Variants in CBX2 observed in about 807,000 individuals in gnomAD.
CBX2 encodes the protein chromobox 2, also known as chromobox protein homolog 2.
CBX2 carries 11 observed loss-of-function variants against 21.0 expected under a neutral mutation model. That is an observed-to-expected ratio of 0.52 (90% CI 0.33 to 0.87). The LOEUF (loss-of-function observed/expected upper bound fraction) is 0.87. CBX2 is among the 40% of genes least tolerant of loss of function. The probability of loss-of-function intolerance (pLI) is 0.02; values close to 1 mark genes in which losing one functional copy is unlikely to be tolerated. For synonymous variants in CBX2, 364 were observed against 304.6 expected (o/e 1.19, Z -2.03); for missense variants, 746 against 724.3 (o/e 1.03, Z -0.34).
intron 4 of CBX2, chr17:79,782,254 C>T: frequency 5.1e-6 from 8 of 1,567,894 alleles, no homozygotes; most frequent in Admixed American, 3.8e-5. Flanking sequence ...CCACGAAAGG[C>T]AGGGCTGACT....
chr17:79,782,327 G>A, intron 4 of CBX2: 1 of 1,492,122 alleles, frequency 6.7e-7, no homozygotes. Flanking sequence ...GGCTGATGAT[G>A]TGCTTTGGCC....
Position 79,785,154 on chromosome 17 carries a change from G to T in CBX2, c.*112G>T, listed in dbSNP as rs1907549509. On this transcript the variant is annotated 3_prime_UTR_variant, in exon 5 of 5. Transcript: ENST00000310942. Reference sequence around the variant, plus strand: ...TCAAGAGTCTGGGTCGGGGGAGGAGGAGTGGGTGGCCTCCTTGATGGGCAG... The same window carrying T: ...TCAAGAGTCTGGGTCGGGGGAGGAGTAGTGGGTGGCCTCCTTGATGGGCAG... 1.1e-6 allele frequency: 1 copy of T among 923,294 alleles called. No homozygotes were observed. The highest frequency in any genetic ancestry group is 1.7e-6 in the Non-Finnish European group (1 of 587,958). The allele number at this position is 923,294 out of a possible 1,614,324, so 57.2% of individuals were successfully genotyped here.
At position 79,778,251 on chromosome 17, in the gene CBX2, A is replaced by G. The variant is rs1555829349; in HGVS notation, c.16A>G (p.Ser6Gly). 1 of 1,506,916 alleles carries G rather than the reference A, an allele frequency of 6.6e-7. No homozygotes were observed. The allele number at this position is 1,506,916 out of a possible 1,614,324, so 93.3% of individuals were successfully genotyped here. A position where few individuals can be genotyped will look rare whatever the true frequency, so the allele number is the denominator to read the frequency against. The stretch of plus-strand genomic sequence containing the variant: ...GCCGGGCAGCATGGAGGAGCTGAGC[A>G]GCGTGGGCGAGCAGGTCTTCGCCGC... MEELS[S>G]VGEQVFAAEC... Residue 6 changes from serine (S) to glycine (G), a missense_variant, in exon 1 of 5, where the codon AGC becomes GGC. Around this residue, in one of 2 missense-constraint regions of CBX2, gnomAD observed 45 missense variants for 73.6 expected, o/e 0.61. Transcript: ENST00000310942. This position sits in a 1 kb window ranked among gnomAD's most constrained non-coding sequence, Gnocchi z 4.8.
chr17:79,784,771 G>T lies in CBX2; in HGVS notation c.1328G>T (p.Arg443Leu). Residue 443 changes from arginine to leucine, a missense_variant, in exon 5 of 5, where the codon CGC becomes CTC. Around this residue, in one of 2 missense-constraint regions of CBX2, gnomAD observed 701 missense variants for 650.7 expected, o/e 1.08. Transcript: ENST00000310942. The surrounding 1 kb of genome is among the most constrained non-coding windows in gnomAD (Gnocchi z 5.9). ...GSATPSGQES[R>L]TAPGEARKAA... is the part of the protein sequence containing the mutation. ...GCTACCCCCAGTGGGCAGGAGAGCC[G>T]CACAGCCCCCGGAGAAGCCCGCAAG... The T allele has an allele frequency of 6.2e-7, 1 of 1,610,052 alleles. No individual in the cohort carries two copies. The highest frequency in any genetic ancestry group is 8.5e-7 in the Non-Finnish European group (1 of 1,178,676).
At position 79,785,151 on chromosome 17, in the gene CBX2, G is replaced by A. The variant is rs1907549364; in HGVS notation, c.*109G>A. On this transcript the variant is annotated 3_prime_UTR_variant, in exon 5 of 5. Transcript: ENST00000310942. ...CCCTCAAGAGTCTGGGTCGGGGGAG[G>A]AGGAGTGGGTGGCCTCCTTGATGGG... 2 of 967,816 alleles carry A rather than the reference G, an allele frequency of 2.1e-6. No individual in the cohort carries two copies. The highest frequency in any genetic ancestry group is 3.2e-6 in the Non-Finnish European group (2 of 625,968). 60.0% of individuals were successfully genotyped at this position (967,816 alleles called of 1,614,324 possible).
At chr17:79,782,920 A>G (rs1907340097) in intron 4 of CBX2, among the ~76,000 whole-genome samples, 1 of 152,240 alleles carries the variant, frequency 6.6e-6, no homozygotes, top group East Asian at 1.9e-4. Context: ...GGTGACATCC[A>G]GAAGGCGAGG....
In CBX2 at chr17:79,783,909, C is replaced by G; in HGVS notation, c.466C>G (p.Leu156Val). The G allele has an allele frequency of 6.2e-7, 1 of 1,614,042 alleles. No homozygotes were observed. The highest frequency in any genetic ancestry group is 8.5e-7 in the Non-Finnish European group (1 of 1,180,034). ...CCAGATCCTGGTGGCCAAACCCGAG[C>G]TGAAGGATCCCATCCGGAAGAAGCG... Reference protein sequence around the residue: ...KAQILVAKPELKDPIRKKRGR... With the variant: ...KAQILVAKPEVKDPIRKKRGR... The change falls in exon 5 of 5, where the codon CTG becomes GTG. Residue 156 changes from leucine (L) to valine (V), a missense_variant. This residue lies in a region of CBX2 where 701 missense variants were observed against 650.7 expected (regional missense o/e 1.08). Transcript: ENST00000310942.
intron 3 of CBX2, among the ~76,000 whole-genome samples, chr17:79,781,368 T>C (rs1306730091): frequency 6.6e-6 from 1 of 152,164 alleles, no homozygotes; most frequent in Non-Finnish European, 1.5e-5. Flanking sequence ...AGGCCACTTC[T>C]GGTTAGAATA....
At position 79,784,017 on chromosome 17, in the gene CBX2, G is replaced by A. The variant is rs1030745687; in HGVS notation, c.574G>A (p.Asp192Asn). 1 of 1,613,194 alleles carries A rather than the reference G, an allele frequency of 6.2e-7. No homozygotes were observed. The highest frequency in any genetic ancestry group is 1.3e-5 in the African/African-American group (1 of 75,072). The part of the protein sequence containing the change: ...LAKVLKTARK[D>N]LGAPASKLPP... ...CAAGGTGCTGAAGACCGCCCGGAAG[G>A]ATCTGGGGGCCCCGGCCAGCAAGCT... Residue 192 changes from aspartate to asparagine, a missense_variant, in exon 5 of 5, where the codon GAT becomes AAT. By Grantham distance (23) the Asp-to-Asn change is conservative (BLOSUM62 1). Coordinates refer to ENST00000310942, the MANE Select transcript of CBX2 (RefSeq NM_005189.3). The surrounding 1 kb of genome is among the most constrained non-coding windows in gnomAD (Gnocchi z 5.9).
intron 3 of CBX2, among the ~76,000 whole-genome samples, chr17:79,780,799 G>C (rs1907124085): frequency 1.3e-5 from 2 of 152,152 alleles, no homozygotes; most frequent in African/African-American, 4.8e-5. Context: ...CAGTGCACAG[G>C]TTAATATTTC....
chr17:79,785,270 C>G lies in CBX2; in HGVS notation c.*228C>G, dbSNP rs79823889. The G allele has an allele frequency of 1.5e-3, 896 of 592,116 alleles. 7 individuals are homozygous for G. The highest frequency in any genetic ancestry group is 0.014 in the African/African-American group (730 of 53,842). 36.7% of individuals were successfully genotyped at this position (592,116 alleles called of 1,614,324 possible). A position where few individuals can be genotyped will look rare whatever the true frequency, so the allele number is the denominator to read the frequency against. On this transcript the variant is annotated 3_prime_UTR_variant, in exon 5 of 5. Transcript: ENST00000310942. Reference sequence around the variant, plus strand: ...TTGTTGGTCTCCACCTTGTTCCTACCTCTGCAGGCCTCTTTGCTCTCCCCT... The same window carrying G: ...TTGTTGGTCTCCACCTTGTTCCTACGTCTGCAGGCCTCTTTGCTCTCCCCT...
chr17:79,779,276 C>T (rs1285162927), intron 2 of CBX2, 86 bp from the exon 3 acceptor site: 5 of 1,281,584 alleles, frequency 3.9e-6, no homozygotes, highest in African/African-American at 2.9e-5. Context: ...AGTCGAGGAG[C>T]GGTGAGGGCG....
At chr17:79,781,670 C>A in intron 3 of CBX2, 26 bp from the exon 4 acceptor site, 3 of 1,592,588 alleles carry the variant, frequency 1.9e-6, no homozygotes, top group Non-Finnish European at 2.6e-6. Context: ...GGGCTTCTCC[C>A]CCATTAACTA....
chr17:79,780,964 T>C (rs1354152688), intron 3 of CBX2, among the ~76,000 whole-genome samples: 1 of 152,058 alleles, frequency 6.6e-6, no homozygotes, highest in Non-Finnish European at 1.5e-5. Context: ...GCCCAGATAA[T>C]TACCAGGGCC....
Position 79,781,747 on chromosome 17 carries a change from C to T in CBX2, c.234C>T (p.Gly78=), listed in dbSNP as rs1907220519. The T allele has an allele frequency of 1.2e-6, 2 of 1,613,900 alleles. No individual in the cohort carries two copies. Among genetic ancestry groups the T allele is most frequent in the Admixed American group, 3.3e-5 (2 of 60,002 alleles). Residue 78 remains glycine (G), a synonymous_variant, in exon 4 of 5, where the codon GGC becomes GGT. Coordinates refer to ENST00000310942, the MANE Select transcript of CBX2 (RefSeq NM_005189.3). ...GGAAGAGAGGCAAGAGGCCGAGAGG[C>T]CGGCCAAGGAAGCTCACTGCCATGT... is the stretch of plus-strand genomic sequence containing the variant. The part of the protein sequence containing the change: ...QNRKRGKRPR[G]RPRKLTAMSS...
rs61739322 is a variant in CBX2, at chr17:79,784,020, C to A, written c.577C>A (p.Leu193Met). The change falls in exon 5 of 5, where the codon CTG becomes ATG. Residue 193 changes from leucine (L) to methionine (M), a missense_variant. This residue lies in a region of CBX2 where 701 missense variants were observed against 650.7 expected (regional missense o/e 1.08). Transcript: ENST00000310942. This position sits in a 1 kb window ranked among gnomAD's most constrained non-coding sequence, Gnocchi z 5.9. ...AKVLKTARKDLGAPASKLPPP... is the reference protein window; with the variant it reads ...AKVLKTARKDMGAPASKLPPP... ...GGTGCTGAAGACCGCCCGGAAGGAT[C>A]TGGGGGCCCCGGCCAGCAAGCTGCC... The A allele has an allele frequency of 1.8e-3, 2,832 of 1,613,120 alleles. 53 individuals carry two copies. The African/African-American group carries it at 0.034, about 19-fold the overall frequency.
chr17:79,782,467 G>C (rs113561509), intron 4 of CBX2: 58,675 of 1,237,894 alleles, frequency 0.047, 1,592 homozygotes, highest in Non-Finnish European at 0.054. Flanking sequence ...AGGACAGGAT[G>C]GGGGAGGAGG....
At chr17:79,782,326 T>C (rs1477346689) in intron 4 of CBX2, 2 of 1,492,348 alleles carry the variant, frequency 1.3e-6, no homozygotes, top group East Asian at 2.5e-5. Flanking sequence ...GGGCTGATGA[T>C]GTGCTTTGGC....
At position 79,778,929 on chromosome 17, in the gene CBX2, T is replaced by G. The variant is rs1448308154; in HGVS notation, c.117-433T>G. ...GCTCTTTCTTCGCTACCCCTCGAGG[T>G]GCCCCGGCCCGCGCGCCACATTGTT... On this transcript the variant is annotated intron_variant, in intron 2 of 4. Coordinates refer to ENST00000310942, the MANE Select transcript of CBX2 (RefSeq NM_005189.3). The surrounding 1 kb of genome is among the most constrained non-coding windows in gnomAD (Gnocchi z 4.8). Among the ~76,000 whole-genome samples the G allele has an allele frequency of 6.6e-6, 1 of 151,888 alleles. No homozygotes were observed. Among genetic ancestry groups the G allele is most frequent in the Non-Finnish European group, 1.5e-5 (1 of 67,936 alleles).
Sources: allele counts gnomAD v4.1 joint callset (sites outside exome capture counted in the v4.1 genomes callset), GRCh38; gene constraint gnomAD v4.1.1; regional missense constraint gnomAD v4.1.1; non-coding constraint Gnocchi (gnomAD v3.1); transcripts MANE v1.5; gene names NCBI Gene and HGNC (gene_info 2026-07-23, HGNC 2026-07-21).